TMEM131: variants seen among roughly 807,000 people sequenced by gnomAD.
The protein encoded by TMEM131 is 2610524E03Rik.
A neutral mutation model predicts 211.6 loss-of-function variants in TMEM131; 66 were observed. The observed-to-expected ratio is 0.31, with a 90% CI of 0.26 to 0.38. TMEM131 has a LOEUF of 0.38. Among genes scored for constraint, TMEM131 ranks in the 10% least tolerant of loss-of-function variants. TMEM131 has a pLI of 1.00. For synonymous variants in TMEM131, 844 were observed against 841.3 expected, an observed-to-expected ratio of 1.00 and a Z score of -0.06; for missense variants, 2,036 against 2,299.3, an observed-to-expected ratio of 0.89 and a Z score of 2.34.
At chr2:97,830,152 A>C (rs1682600694) in intron 11 of TMEM131, among the ~76,000 whole-genome samples, 1 of 150,872 alleles carries the variant, frequency 6.6e-6, no homozygotes, top group Non-Finnish European at 1.5e-5. Flanking sequence ...AAAAAAAAAA[A>C]AAAACCAAAC....
intron 25 of TMEM131, among the ~76,000 whole-genome samples, chr2:97,799,482 T>C (rs1379010858): frequency 6.6e-6 from 1 of 152,262 alleles, no homozygotes; most frequent in Non-Finnish European, 1.5e-5. Context: ...TCCATGGTTA[T>C]TCAGACTTGG....
At chr2:97,977,743 C>G (rs1679606439) in intron 1 of TMEM131, among the ~76,000 whole-genome samples, 1 of 152,098 alleles carries the variant, frequency 6.6e-6, no homozygotes, top group African/African-American at 2.4e-5. Context: ...CAAGGTTGAT[C>G]AGGATCAGGA....
intron 7 of TMEM131, among the ~76,000 whole-genome samples, chr2:97,840,471 T>C (rs1215882849): frequency 6.6e-6 from 1 of 152,196 alleles, no homozygotes; most frequent in Non-Finnish European, 1.5e-5. Context: ...ATGCCTGTCA[T>C]CTCGGCACTT....
intron 11 of TMEM131, among the ~76,000 whole-genome samples, chr2:97,824,742 T>C (rs892478886): frequency 6.6e-6 from 1 of 152,196 alleles, no homozygotes; most frequent in African/African-American, 2.4e-5. Flanking sequence ...CTACTTTTCC[T>C]TATCAAAGGC....
At chr2:97,846,664 A>G (rs1007529703) in intron 5 of TMEM131, among the ~76,000 whole-genome samples, 2 of 152,140 alleles carry the variant, frequency 1.3e-5, no homozygotes, top group East Asian at 1.9e-4. Context: ...TAAAACATTA[A>G]GTTTTTTGGT....
chr2:97,773,193 C>T (rs1015037644), intron 32 of TMEM131, among the ~76,000 whole-genome samples: 10 of 152,314 alleles, frequency 6.6e-5, no homozygotes, highest in Non-Finnish European at 1.2e-4. Context: ...CCTGCGATTG[C>T]GGCAGGGTTC....
In TMEM131 at chr2:97,941,405, T is replaced by C. The variant is rs554668657; in HGVS notation, c.188-13918A>G. On this transcript the variant is annotated intron_variant, in intron 1 of 40. Transcript: ENST00000186436. ...AACCTAGGCAATACCATTCAGGACA[T>C]AGGCATGGGCAACGACTTCATGACT... Among the ~76,000 whole-genome samples the C allele has an allele frequency of 2.8e-3, 428 of 152,338 alleles. 1 individual carries two copies. The highest frequency in any genetic ancestry group is 4.1e-3 in the Non-Finnish European group (279 of 68,040).
rs536967972 is a variant in TMEM131 at position 97,788,092 on chromosome 2, C to T, written c.4144+4294G>A. Among the ~76,000 whole-genome samples, 5 of 152,260 alleles carry T rather than the reference C, an allele frequency of 3.3e-5. No individual in the cohort carries two copies. In the South Asian group the frequency reaches 6.2e-4, roughly 19 times the overall value. ...CGCTCTCCTGCCAGCACTCCTGTGA[C>T]GTCCTCACTCGCTGTCTTTTTGCTG... On this transcript the variant is annotated intron_variant, in intron 31 of 40. Coordinates refer to ENST00000186436, the MANE Select transcript of TMEM131 (RefSeq NM_015348.2).
In TMEM131 at chr2:97,797,692, G is replaced by A. The variant is rs181928130; in HGVS notation, c.2719-176C>T. The stretch of plus-strand genomic sequence containing the variant: ...TGGAAAGCAGCACAGAGTAACCAAC[G>A]ATGAGATTCATATTCTACATTAAGT... On this transcript the variant is annotated intron_variant, in intron 25 of 40. Coordinates refer to ENST00000186436, the MANE Select transcript of TMEM131 (RefSeq NM_015348.2). Among the ~76,000 whole-genome samples the A allele has an allele frequency of 7.7e-4, 117 of 152,334 alleles. 2 individuals are homozygous for A. Among genetic ancestry groups the A allele is most frequent in the Middle Eastern group, 3.4e-3 (1 of 294 alleles).
chr2:97,792,976 G>A lies in TMEM131; in HGVS notation c.3554C>T (p.Thr1185Ile). Residue 1185 changes from threonine to isoleucine, a missense_variant, in exon 31 of 41, where the codon ACA becomes ATA. Around this residue, in one of 3 missense-constraint regions of TMEM131, gnomAD observed 1,623 missense variants for 1,805.9 expected, o/e 0.90. Coordinates refer to ENST00000186436, the MANE Select transcript of TMEM131 (RefSeq NM_015348.2). ...VGISSEGNLN[T>I]LSCDPGHSRG... ...ACTGTGACCGGGGTCACAGCTGAGT[G>A]TGTTCAAGCTGAAAAAGGGACCAAC... The A allele has an allele frequency of 6.4e-7, 1 of 1,561,106 alleles. No individual in the cohort carries two copies. Among genetic ancestry groups the A allele is most frequent in the Non-Finnish European group, 8.7e-7 (1 of 1,155,576 alleles).
chr2:97,850,212 AAG>A (rs1673557890), intron 5 of TMEM131, among the ~76,000 whole-genome samples: 1 of 152,160 alleles, frequency 6.6e-6, no homozygotes, highest in South Asian at 2.1e-4. Flanking sequence ...AAAGAAAAAA[AAG>A]AGAATGTTCA....
chr2:97,812,037 G>C (rs770953753), intron 17 of TMEM131, among the ~76,000 whole-genome samples: 2 of 152,140 alleles, frequency 1.3e-5, no homozygotes, highest in Non-Finnish European at 2.9e-5. Flanking sequence ...CTGGACAGAC[G>C]TATTATTGCA....
chr2:97,844,372 G>C (rs911999427), intron 5 of TMEM131, 111 bp from the exon 6 acceptor site: 1 of 382,038 alleles, frequency 2.6e-6, no homozygotes, highest in African/African-American at 2.1e-5. Context: ...TCCTTTAAAA[G>C]TTTAAGCTTT....
At chr2:97,943,096 A>C (rs1677873227) in intron 1 of TMEM131, among the ~76,000 whole-genome samples, 1 of 149,652 alleles carries the variant, frequency 6.7e-6, no homozygotes, top group Non-Finnish European at 1.5e-5. Context: ...AAAGAAAGAA[A>C]GAAAGAGCTG....
intron 2 of TMEM131, among the ~76,000 whole-genome samples, chr2:97,915,040 TG>T (rs1410730617): frequency 6.6e-6 from 1 of 152,238 alleles, no homozygotes; most frequent in African/African-American, 2.4e-5. Flanking sequence ...TGCCAGTATT[TG>T]GTGTTGTCAC....
intron 2 of TMEM131, among the ~76,000 whole-genome samples, chr2:97,910,141 C>T (rs1169781556): frequency 1.3e-5 from 2 of 152,030 alleles, no homozygotes; most frequent in Non-Finnish European, 2.9e-5. Context: ...ACATCACTAA[C>T]CATTAGGGAA....
At chr2:97,980,832 A>G (rs1339783639) in intron 1 of TMEM131, among the ~76,000 whole-genome samples, 3 of 152,034 alleles carry the variant, frequency 2.0e-5, no homozygotes, top group African/African-American at 7.2e-5. Flanking sequence ...AATTATACAC[A>G]CTAATTTCAT....
At chr2:97,959,902 A>G (rs1042292155) in intron 1 of TMEM131, among the ~76,000 whole-genome samples, 1 of 152,138 alleles carries the variant, frequency 6.6e-6, no homozygotes, top group Non-Finnish European at 1.5e-5. Context: ...GTCTTTCATG[A>G]CATAATTTTT....
intron 1 of TMEM131, among the ~76,000 whole-genome samples, chr2:97,994,793 G>C (rs1008223563): frequency 6.6e-6 from 1 of 152,012 alleles, no homozygotes; most frequent in African/African-American, 2.4e-5. Context: ...TTAAAATAGG[G>C]GCCAGCCCTT....
Sources: allele counts gnomAD v4.1 joint callset (sites outside exome capture counted in the v4.1 genomes callset), GRCh38; gene constraint gnomAD v4.1.1; regional missense constraint gnomAD v4.1.1; transcripts MANE v1.5; gene names NCBI Gene and HGNC (gene_info 2026-07-23, HGNC 2026-07-21).